The following AMPH variants were observed in gnomAD, a reference collection of about 807,000 sequenced individuals.
AMPH encodes amphiphysin (Stiff-Mann syndrome with breast cancer 128kD autoantigen).
AMPH carries 49 observed loss-of-function variants against 99.1 expected under a neutral mutation model. That is an observed-to-expected ratio of 0.49 (90% CI 0.39 to 0.63). The LOEUF (loss-of-function observed/expected upper bound fraction) is 0.63. AMPH is among the 20% of genes least tolerant of loss of function. The probability of loss-of-function intolerance (pLI) is 0.00; values close to 1 mark genes in which losing one functional copy is unlikely to be tolerated. For synonymous variants in AMPH, 314 were observed against 317.3 expected (o/e 0.99, Z 0.11); for missense variants, 759 against 863.4 (o/e 0.88, Z 1.52).
At chr7:38,495,638 A>G (rs1185146067) in intron 3 of AMPH, among the ~76,000 whole-genome samples, 2 of 151,248 alleles carry the variant, frequency 1.3e-5, no homozygotes, top group Non-Finnish European at 2.9e-5. Context: ...TAACAAAATG[A>G]TGTTGAATGA....
intron 19 of AMPH, 58 bp from the exon 20 acceptor site, chr7:38,389,963 T>G: frequency 4.6e-6 from 6 of 1,294,674 alleles, no homozygotes; most frequent in Non-Finnish European, 6.7e-6. Flanking sequence ...AAGCAGACAC[T>G]CTTACAAGTC....
chr7:38,495,600 A>AT (rs34388679), intron 3 of AMPH, among the ~76,000 whole-genome samples: 38,261 of 147,186 alleles, frequency 0.26, 5,694 homozygotes, highest in African/African-American at 0.42. Context: ...CCTGGCTGAG[A>AT]TTTTTTTTTT....
At chr7:38,416,126 T>C (rs1785378941) in intron 17 of AMPH, among the ~76,000 whole-genome samples, 2 of 132,432 alleles carry the variant, frequency 1.5e-5, no homozygotes, top group South Asian at 4.9e-4. Context: ...TATATATATA[T>C]TAGCTATTAC....
At chr7:38,418,017 T>C (rs1356520869) in intron 16 of AMPH, 67 bp from the exon 17 acceptor site, 1 of 1,508,452 alleles carries the variant, frequency 6.6e-7, no homozygotes, top group Admixed American at 2.1e-5. Flanking sequence ...CATTACAGAA[T>C]ACTGGACAAT....
At chr7:38,492,192 C>G (rs1474417131) in intron 4 of AMPH, among the ~76,000 whole-genome samples, 1 of 152,236 alleles carries the variant, frequency 6.6e-6, no homozygotes, top group East Asian at 1.9e-4. Flanking sequence ...GACTCCTTTG[C>G]AACCAGGTGT....
intron 13 of AMPH, among the ~76,000 whole-genome samples, chr7:38,431,413 T>G (rs1014571383): frequency 6.6e-6 from 1 of 152,146 alleles, no homozygotes; most frequent in Admixed American, 6.5e-5. Context: ...ATCCCAGCAC[T>G]TTGGGAGGCC....
chr7:38,454,242 G>C (rs762018711), intron 11 of AMPH, among the ~76,000 whole-genome samples: 6 of 152,162 alleles, frequency 3.9e-5, no homozygotes, highest in Non-Finnish European at 7.3e-5. Flanking sequence ...CATTGTGTCT[G>C]AGTTTTTATT....
At chr7:38,603,414 C>A (rs1793324309) in intron 1 of AMPH, among the ~76,000 whole-genome samples, 1 of 152,014 alleles carries the variant, frequency 6.6e-6, no homozygotes, top group Admixed American at 6.5e-5. Context: ...CCTCATTTCT[C>A]AGAATTTCAA....
intron 1 of AMPH, among the ~76,000 whole-genome samples, chr7:38,574,674 G>A (rs1229460367): frequency 6.6e-6 from 1 of 152,160 alleles, no homozygotes; most frequent in Non-Finnish European, 1.5e-5. Context: ...TGTTCATGTG[G>A]TAGGACGATG....
At chr7:38,391,005 GAGAGAGAGA>G (rs1383523033) in intron 19 of AMPH, among the ~76,000 whole-genome samples, 34 of 54,136 alleles carry the variant, frequency 6.3e-4, no homozygotes, top group Non-Finnish European at 9.1e-4. Context: ...GAGAGAGAGA[GAGAGAGAGA>G]GAATGATACA....
intron 1 of AMPH, among the ~76,000 whole-genome samples, chr7:38,616,544 G>C (rs534220806): frequency 6.6e-6 from 1 of 152,244 alleles, no homozygotes; most frequent in Non-Finnish European, 1.5e-5. Flanking sequence ...TATAAGATGT[G>C]TTCAGCTGCC....
intron 15 of AMPH, among the ~76,000 whole-genome samples, chr7:38,423,697 T>C (rs1293383785): frequency 6.6e-6 from 1 of 152,112 alleles, no homozygotes; most frequent in African/African-American, 2.4e-5. Flanking sequence ...TGCAAATCAG[T>C]CCGATTTGTT....
At chr7:38,437,639 A>AAAAAAAAAAAAGAAAAG (rs765494380) in intron 11 of AMPH, among the ~76,000 whole-genome samples, 175 of 96,658 alleles carry the variant, frequency 1.8e-3, no homozygotes, top group African/African-American at 2.7e-3. Context: ...AAAAAAAAAA[A>AAAAAAAAAAAAGAAAAG]AAAAGAAAAG....
chr7:38,446,837 G>A (rs1406860087), intron 11 of AMPH, among the ~76,000 whole-genome samples: 1 of 151,968 alleles, frequency 6.6e-6, no homozygotes, highest in East Asian at 1.9e-4. Flanking sequence ...CTAATAGTGG[G>A]AGATGGGTTA....
In AMPH at chr7:38,391,842, T is replaced by G. The variant is rs138437054; in HGVS notation, c.1784A>C (p.Gln595Pro). The G allele has an allele frequency of 6.2e-6, 10 of 1,613,298 alleles. No homozygotes were observed. Among genetic ancestry groups the G allele is most frequent in the Non-Finnish European group, 8.5e-6 (10 of 1,179,838 alleles). ...ATEQKPIQDP[Q>P]PTPSAPAMGA... ...CATGGCTGGTGCAGAAGGCGTGGGC[T>G]GAGGGTCCTGGATAGGCTTCTGCTC... Residue 595 changes from glutamine (Q) to proline (P), a missense_variant, in exon 19 of 21, where the codon CAG (glutamine) becomes CCG (proline). By Grantham distance (76) the Gln-to-Pro change is moderately conservative. Coordinates refer to ENST00000356264, the MANE Select transcript of AMPH (RefSeq NM_001635.4).
At chr7:38,546,663 C>T (rs1211127317) in intron 1 of AMPH, among the ~76,000 whole-genome samples, 1 of 152,080 alleles carries the variant, frequency 6.6e-6, no homozygotes, top group Non-Finnish European at 1.5e-5. Flanking sequence ...GTATGTTTTA[C>T]GATGCAGTGT....
chr7:38,545,096 C>T (rs1228011473), intron 1 of AMPH, among the ~76,000 whole-genome samples: 1 of 152,182 alleles, frequency 6.6e-6, no homozygotes, highest in African/African-American at 2.4e-5. Flanking sequence ...TCTATAATTT[C>T]AAGAACCATA....
intron 18 of AMPH, 102 bp downstream of exon 18, chr7:38,393,903 C>T: frequency 9.1e-7 from 1 of 1,102,776 alleles, no homozygotes; most frequent in Non-Finnish European, 1.3e-6. Flanking sequence ...TTGCTACAAA[C>T]CTATTATACA....
At chr7:38,428,629 C>T (rs898443110) in intron 14 of AMPH, 1 of 456,598 alleles carries the variant, frequency 2.2e-6, no homozygotes, top group Admixed American at 2.3e-5. Flanking sequence ...AAATCCCATC[C>T]CTCAGGGCTG....
Sources: allele counts gnomAD v4.1 joint callset (sites outside exome capture counted in the v4.1 genomes callset), GRCh38; gene constraint gnomAD v4.1.1; transcripts MANE v1.5; gene names NCBI Gene and HGNC (gene_info 2026-07-23, HGNC 2026-07-21).